Variants in SSBP3 observed in about 807,000 individuals in gnomAD.
SSBP3 encodes the protein single stranded DNA binding protein 3, also known as single-stranded DNA-binding protein 3.
Under a neutral mutation model 69.6 loss-of-function variants are expected in SSBP3, and 5 were observed. That is an observed-to-expected ratio of 0.07 (90% confidence interval 0.04 to 0.15). The LOEUF (loss-of-function observed/expected upper bound fraction) is 0.15, where lower values mean the gene tolerates loss of function less well. Among genes scored for constraint, SSBP3 ranks in the 10% least tolerant of loss-of-function variants. SSBP3 has a pLI of 1.00. For missense variants in SSBP3, 312 were observed against 534.0 expected (o/e 0.58, Z 4.10); for synonymous variants, 196 against 193.4 (o/e 1.01, Z -0.11).
At chr1:54,346,827 A>T (rs1470427304) in intron 4 of SSBP3, among the ~76,000 whole-genome samples, 1 of 151,934 alleles carries the variant, frequency 6.6e-6, no homozygotes, top group Admixed American at 6.6e-5. Context: ...GGAAAAAAAA[A>T]AAAAAATAGA....
rs531805765 is a variant in SSBP3 at position 54,301,291 on chromosome 1, C to T, written c.277-19764G>A. Among the ~76,000 whole-genome samples, 6 of 152,328 alleles carry T rather than the reference C, an allele frequency of 3.9e-5. No individual in the cohort carries two copies. In the East Asian group the frequency reaches 9.7e-4, roughly 25 times the overall value. ...TAATGCCCATTCAGAATCTCATCAACAATAAAGCGGTGTTGAAGACCAGCA... is the reference window on the plus strand; with the variant it reads ...TAATGCCCATTCAGAATCTCATCAATAATAAAGCGGTGTTGAAGACCAGCA... On this transcript the variant is annotated intron_variant, in intron 4 of 17. Transcript: ENST00000610401.
intron 4 of SSBP3, among the ~76,000 whole-genome samples, chr1:54,383,889 G>T (rs949441735): frequency 6.6e-6 from 1 of 152,002 alleles, no homozygotes; most frequent in Non-Finnish European, 1.5e-5. Context: ...GGCGGATCAC[G>T]AGGTCAGGAG....
intron 9 of SSBP3, among the ~76,000 whole-genome samples, chr1:54,246,171 C>T (rs1054183866): frequency 2.0e-5 from 3 of 152,146 alleles, no homozygotes; most frequent in African/African-American, 4.8e-5. Flanking sequence ...TGAAGTGCCC[C>T]GTAAGCCCTA....
intron 9 of SSBP3, among the ~76,000 whole-genome samples, chr1:54,247,389 C>T (rs534563858): frequency 6.6e-6 from 1 of 152,352 alleles, no homozygotes; most frequent in South Asian, 2.1e-4. Flanking sequence ...ATTTTCTGGG[C>T]AGCAGGGGCC....
intron 4 of SSBP3, among the ~76,000 whole-genome samples, chr1:54,368,260 T>G (rs1252245245): frequency 7.3e-6 from 1 of 137,676 alleles, no homozygotes; most frequent in Non-Finnish European, 1.5e-5. Flanking sequence ...ATCACGCCAC[T>G]GCACTCCAGC....
chr1:54,309,678 C>A (rs1462972100), intron 4 of SSBP3, among the ~76,000 whole-genome samples: 1 of 152,172 alleles, frequency 6.6e-6, no homozygotes, highest in African/African-American at 2.4e-5. Flanking sequence ...ATCCCTAACT[C>A]CCCGGTTGCC....
In SSBP3 at chr1:54,281,995, T is replaced by C. The variant is rs1045104837; in HGVS notation, c.277-468A>G. ...CCTGTAGTTCCACTTACTCGGGAGGTTGAGGTCAGAGGATCGCTTGAGCCC... is the reference window on the plus strand; with the variant it reads ...CCTGTAGTTCCACTTACTCGGGAGGCTGAGGTCAGAGGATCGCTTGAGCCC... On this transcript the variant is annotated intron_variant, in intron 4 of 17. Transcript: ENST00000610401. Among the ~76,000 whole-genome samples, 16 of 149,906 alleles carry C rather than the reference T, an allele frequency of 1.1e-4. No homozygotes were observed. The East Asian group carries it at 2.4e-3, about 22-fold the overall frequency.
chr1:54,315,857 G>T (rs4272564), intron 4 of SSBP3, among the ~76,000 whole-genome samples: 46,497 of 151,522 alleles, frequency 0.31, 8,116 homozygotes, highest in African/African-American at 0.47. Context: ...AGACAGGGTC[G>T]CGCCATATTG....
intron 4 of SSBP3, among the ~76,000 whole-genome samples, chr1:54,378,508 C>A (rs1005684985): frequency 2.0e-5 from 3 of 152,236 alleles, no homozygotes; most frequent in Admixed American, 1.3e-4. Context: ...CTGGCCTCAG[C>A]CACAGCCCCC....
intron 1 of SSBP3, among the ~76,000 whole-genome samples, 200 bp from the exon 2 acceptor site, chr1:54,405,130 C>T (rs1057301621): frequency 2.6e-5 from 4 of 152,168 alleles, no homozygotes; most frequent in African/African-American, 7.2e-5. Context: ...AACGCGTTAC[C>T]TCAAGCGGTG....
At chr1:54,351,451 A>G (rs899135792) in intron 4 of SSBP3, among the ~76,000 whole-genome samples, 16 of 152,356 alleles carry the variant, frequency 1.1e-4, no homozygotes, top group Middle Eastern at 3.4e-3. Flanking sequence ...CTGACCCACC[A>G]TATCAGTGAC....
intron 7 of SSBP3, among the ~76,000 whole-genome samples, chr1:54,256,679 T>C (rs1011135761): frequency 2.0e-5 from 3 of 152,180 alleles, no homozygotes; most frequent in African/African-American, 7.2e-5. Context: ...CTACGGGCCA[T>C]TTCCCCCCCT....
chr1:54,348,002 A>G (rs1048437245), intron 4 of SSBP3, among the ~76,000 whole-genome samples: 8 of 152,058 alleles, frequency 5.3e-5, no homozygotes, highest in African/African-American at 9.7e-5. Context: ...CAGCCACCCA[A>G]TCACCCACCC....
At chr1:54,351,841 C>T (rs539349224) in intron 4 of SSBP3, among the ~76,000 whole-genome samples, 30 of 152,310 alleles carry the variant, frequency 2.0e-4, no homozygotes, top group African/African-American at 7.0e-4. Context: ...ACTCCTGACT[C>T]GATCTGGCCC....
intron 4 of SSBP3, among the ~76,000 whole-genome samples, chr1:54,392,320 T>C (rs1325860023): frequency 6.6e-6 from 1 of 152,234 alleles, no homozygotes; most frequent in Non-Finnish European, 1.5e-5. Context: ...TTGACCCAAG[T>C]CACTTAACTT....
chr1:54,328,626 T>C (rs1022820490), intron 4 of SSBP3, among the ~76,000 whole-genome samples: 5 of 152,198 alleles, frequency 3.3e-5, no homozygotes, highest in Non-Finnish European at 5.9e-5. Flanking sequence ...TTCACTCACA[T>C]CTTGAAAAAC....
At chr1:54,332,461 C>T (rs1325621038) in intron 4 of SSBP3, among the ~76,000 whole-genome samples, 2 of 152,176 alleles carry the variant, frequency 1.3e-5, no homozygotes, top group East Asian at 3.8e-4. Flanking sequence ...CCAGGTCAAG[C>T]TGCCCATCTG....
intron 14 of SSBP3, among the ~76,000 whole-genome samples, chr1:54,233,094 G>A (rs1407075608): frequency 3.3e-5 from 5 of 151,028 alleles, no homozygotes; most frequent in Admixed American, 3.3e-4. Context: ...TGGAAAGTGA[G>A]GAGCGTCTCC....
chr1:54,271,196 A>C (rs1431405002), intron 5 of SSBP3, among the ~76,000 whole-genome samples: 1 of 152,080 alleles, frequency 6.6e-6, no homozygotes, highest in Non-Finnish European at 1.5e-5. Flanking sequence ...CTGCAGTATC[A>C]ATCTCCAGGG....
Sources: allele counts gnomAD v4.1 joint callset (sites outside exome capture counted in the v4.1 genomes callset), GRCh38; gene constraint gnomAD v4.1.1; transcripts MANE v1.5; gene names NCBI Gene and HGNC (gene_info 2026-07-23, HGNC 2026-07-21).